The following SBF2 variants were observed in gnomAD, a reference collection of about 807,000 sequenced individuals.
SBF2 encodes the protein SET binding factor 2.
A neutral mutation model predicts 225.2 loss-of-function variants in SBF2; 112 were observed. The observed-to-expected ratio is 0.50, with a 90% CI of 0.43 to 0.58. The LOEUF (loss-of-function observed/expected upper bound fraction) is 0.58. Ranked by LOEUF, SBF2 falls within the 20% of genes least tolerant of loss-of-function variation. The probability of loss-of-function intolerance (pLI) is 0.00; values close to 1 mark genes in which losing one functional copy is unlikely to be tolerated. For missense variants in SBF2, 1,996 were observed against 2,206.2 expected (o/e 0.90, Z 1.91); for synonymous variants, 763 against 773.3 (o/e 0.99, Z 0.22).
intron 17 of SBF2, among the ~76,000 whole-genome samples, chr11:9,878,797 A>G (rs1323228392): frequency 6.6e-6 from 1 of 152,220 alleles, no homozygotes; most frequent in African/African-American, 2.4e-5. Context: ...CTAACTCCAC[A>G]GTCATTCAAG....
intron 1 of SBF2, among the ~76,000 whole-genome samples, chr11:10,234,551 C>T (rs977259262): frequency 6.6e-6 from 1 of 152,120 alleles, no homozygotes; most frequent in Admixed American, 6.5e-5. Context: ...TCAAATTTTA[C>T]AGATCTAAAT....
At chr11:10,233,999 C>G (rs1290204016) in intron 1 of SBF2, among the ~76,000 whole-genome samples, 2 of 152,174 alleles carry the variant, frequency 1.3e-5, no homozygotes, top group African/African-American at 4.8e-5. Context: ...CTCCTAACTC[C>G]ACCTCAGCAT....
chr11:10,267,848 A>G (rs1211245167), intron 1 of SBF2, among the ~76,000 whole-genome samples: 2 of 152,128 alleles, frequency 1.3e-5, no homozygotes, highest in East Asian at 1.9e-4. Flanking sequence ...AGTAATTTAC[A>G]TTTTCAAAAA....
At chr11:9,928,987 A>T in intron 16 of SBF2, 1 of 483,348 alleles carries the variant, frequency 2.1e-6, no homozygotes, top group South Asian at 1.6e-5. Flanking sequence ...TGCAACATCA[A>T]CAATGCATTT....
chr11:10,204,208 A>G (rs1957666525), intron 1 of SBF2, among the ~76,000 whole-genome samples: 1 of 151,496 alleles, frequency 6.6e-6, no homozygotes, highest in Non-Finnish European at 1.5e-5. Context: ...AAGCTAGAAG[A>G]CAGTGGAGCT....
At chr11:9,900,114 T>G (rs1479050579) in intron 16 of SBF2, among the ~76,000 whole-genome samples, 1 of 151,878 alleles carries the variant, frequency 6.6e-6, no homozygotes, top group Non-Finnish European at 1.5e-5. Flanking sequence ...TATACAGCAT[T>G]TGTAAACCCA....
At chr11:10,253,936 AAATATT>A (rs1960611014) in intron 1 of SBF2, among the ~76,000 whole-genome samples, 2 of 152,232 alleles carry the variant, frequency 1.3e-5, no homozygotes, top group South Asian at 4.1e-4. Context: ...AACCACAGTG[AAATATT>A]ACCTCACATC....
At chr11:9,921,553 A>G (rs1025520879) in intron 16 of SBF2, among the ~76,000 whole-genome samples, 7 of 152,256 alleles carry the variant, frequency 4.6e-5, no homozygotes, top group Admixed American at 2.0e-4. Flanking sequence ...GCCTTGAAAC[A>G]TTCTAAAAAA....
At chr11:10,052,595 T>A (rs951022744) in intron 2 of SBF2, among the ~76,000 whole-genome samples, 13 of 152,214 alleles carry the variant, frequency 8.5e-5, no homozygotes, top group Admixed American at 5.9e-4. Context: ...AAACACCCGC[T>A]TTGTTTACTT....
At chr11:9,982,543 T>C (rs897985251) in intron 13 of SBF2, among the ~76,000 whole-genome samples, 1 of 152,320 alleles carries the variant, frequency 6.6e-6, no homozygotes, top group South Asian at 2.1e-4. Context: ...AGTATATTTT[T>C]AAAATTAATG....
At chr11:9,829,571 T>C (rs750159829) in intron 27 of SBF2, 75 bp from the exon 28 acceptor site, 58 of 1,229,950 alleles carry the variant, frequency 4.7e-5, no homozygotes, top group African/African-American at 1.2e-4. Flanking sequence ...TATCTATCTA[T>C]CTACCTATCT....
intron 17 of SBF2, among the ~76,000 whole-genome samples, chr11:9,877,329 G>A (rs1162380581): frequency 6.6e-6 from 1 of 152,094 alleles, no homozygotes; most frequent in Non-Finnish European, 1.5e-5. Flanking sequence ...CTCATTAAGA[G>A]ATAATATTTT....
intron 6 of SBF2, among the ~76,000 whole-genome samples, chr11:10,022,225 A>C (rs984441804): frequency 6.6e-6 from 1 of 152,140 alleles, no homozygotes; most frequent in Non-Finnish European, 1.5e-5. Context: ...TTTTAGGAAA[A>C]ACTTCTTATA....
chr11:9,999,588 C>G (rs1032847780), intron 8 of SBF2, among the ~76,000 whole-genome samples: 1 of 151,996 alleles, frequency 6.6e-6, no homozygotes, highest in African/African-American at 2.4e-5. Context: ...TCCCGAAGTG[C>G]TAGGATTACA....
chr11:9,806,401 G>C (rs1484016204), intron 32 of SBF2, among the ~76,000 whole-genome samples: 1 of 152,178 alleles, frequency 6.6e-6, no homozygotes, highest in Non-Finnish European at 1.5e-5. Flanking sequence ...AGCAAGATAA[G>C]AAGTGCTTTC....
At chr11:10,261,534 C>T (rs1961432106) in intron 1 of SBF2, among the ~76,000 whole-genome samples, 1 of 152,134 alleles carries the variant, frequency 6.6e-6, no homozygotes, top group Admixed American at 6.5e-5. Flanking sequence ...TCGGTGGAGA[C>T]ATAAGATGGT....
chr11:10,191,046 A>G (rs1484750077), intron 2 of SBF2, among the ~76,000 whole-genome samples: 4 of 152,190 alleles, frequency 2.6e-5, no homozygotes, highest in Admixed American at 2.6e-4. Context: ...TTAATATACT[A>G]CCACCATTAT....
At position 9,901,653 on chromosome 11, in the gene SBF2, A is replaced by T. The variant is rs11042539; in HGVS notation, c.1861-5642T>A. ...AAATCTCATTAAATGGGTTTTTTTT[A>T]AATTTTTATATTTTGAGACAGGGTC... On this transcript the variant is annotated intron_variant, in intron 16 of 39. Coordinates refer to ENST00000256190, the MANE Select transcript of SBF2 (RefSeq NM_030962.4). Among the ~76,000 whole-genome samples the T allele has an allele frequency of 2.2e-4, 33 of 152,160 alleles. No individual in the cohort carries two copies. In the South Asian group the frequency reaches 3.1e-3, roughly 14 times the overall value.
intron 1 of SBF2, among the ~76,000 whole-genome samples, chr11:10,200,725 A>C (rs1278836223): frequency 6.6e-6 from 1 of 152,176 alleles, no homozygotes; most frequent in African/African-American, 2.4e-5. Context: ...TATATACTAC[A>C]AAATGCAACC....
Sources: gnomAD v4.1 joint callset for allele counts (sites outside exome capture counted in the v4.1 genomes callset) on GRCh38, gnomAD v4.1.1 for gene constraint, MANE v1.5 for transcripts, NCBI Gene and HGNC (gene_info 2026-07-23, HGNC 2026-07-21) for gene names.